The following GMEB2 variants were observed in gnomAD, a reference collection of about 807,000 sequenced individuals.
GMEB2 encodes glucocorticoid modulatory element-binding protein 2.
A neutral mutation model predicts 45.7 loss-of-function variants in GMEB2; 7 were observed. The ratio of observed to expected loss-of-function variants is 0.15; its 90% CI spans 0.09 to 0.29. GMEB2 has a LOEUF of 0.29. Among genes scored for constraint, GMEB2 ranks in the 10% least tolerant of loss-of-function variants. The pLI is 1.00. For synonymous variants in GMEB2, 322 were observed against 323.6 expected (o/e 1.00, Z 0.05); for missense variants, 582 against 739.2 (o/e 0.79, Z 2.47).
At chr20:63,617,073 C>A (rs939469495) in intron 2 of GMEB2, among the ~76,000 whole-genome samples, 1 of 151,876 alleles carries the variant, frequency 6.6e-6, no homozygotes, top group Non-Finnish European at 1.5e-5. Context: ...CTCCTGGGCT[C>A]AGGTGATCCT....
intron 2 of GMEB2, among the ~76,000 whole-genome samples, chr20:63,618,797 G>C (rs770609452): frequency 4.6e-5 from 7 of 152,200 alleles, no homozygotes; most frequent in Admixed American, 3.9e-4. Context: ...CCTCCTAGCA[G>C]TTCCACCTAC....
rs1044180905 is a variant in GMEB2, at chr20:63,627,042, G to C, written c.-144C>G. On this transcript the variant is annotated 5_prime_UTR_variant, in exon 1 of 10. Transcript: ENST00000370077. ...GGCGGCGGGCGGCGGCGGCGGCCGC[G>C]GGCTTCGCTCCTTGTTGGGGATTCG... 10 of 152,290 alleles carry C rather than the reference G, an allele frequency of 6.6e-5. No homozygotes were observed. The highest frequency in any genetic ancestry group is 2.4e-4 in the African/African-American group (10 of 40,928). 9.4% of individuals were successfully genotyped at this position (152,290 alleles called of 1,614,324 possible).
chr20:63,612,860 C>T (rs941564130), intron 2 of GMEB2, among the ~76,000 whole-genome samples: 3 of 152,260 alleles, frequency 2.0e-5, no homozygotes, highest in African/African-American at 2.4e-5. Context: ...TTGGTGAGGC[C>T]GGCCCAGACC....
chr20:63,611,448 C>T (rs537883939), intron 2 of GMEB2, among the ~76,000 whole-genome samples: 26 of 152,166 alleles, frequency 1.7e-4, no homozygotes, highest in Non-Finnish European at 3.4e-4. Context: ...CCTGTCTCTA[C>T]GAAAAATACA....
intron 4 of GMEB2, among the ~76,000 whole-genome samples, chr20:63,600,717 C>CAAAAA (rs34633546): frequency 9.5e-5 from 8 of 84,620 alleles, no homozygotes; most frequent in Non-Finnish European, 1.3e-4. Flanking sequence ...GACTCCATCT[C>CAAAAA]AAAAAAAAAA....
chr20:63,595,559 G>A, intron 6 of GMEB2, 51 bp downstream of exon 6: 1 of 1,519,694 alleles, frequency 6.6e-7, no homozygotes, highest in Non-Finnish European at 8.9e-7. Context: ...CACCCTCTGT[G>A]GCCATGGCCA....
At position 63,606,849 on chromosome 20, in the gene GMEB2, A is replaced by G. The variant is rs2089523320; in HGVS notation, c.132-2009T>C. On this transcript the variant is annotated intron_variant, in intron 2 of 9. Coordinates refer to ENST00000370077, the MANE Select transcript of GMEB2 (RefSeq NM_012384.5). ...CTGGAAAGACACTCATGACAAATGC[A>G]AACAGAAACCAGTACATGAGGCCAC... 2.6e-5 allele frequency among the ~76,000 whole-genome samples: 4 copies of G among 152,226 alleles called. No individual in the cohort carries two copies. In the South Asian group the frequency reaches 8.3e-4, roughly 32 times the overall value.
intron 1 of GMEB2, among the ~76,000 whole-genome samples, chr20:63,624,077 T>C (rs1186672799): frequency 6.7e-6 from 1 of 150,134 alleles, no homozygotes; most frequent in Non-Finnish European, 1.5e-5. Flanking sequence ...ACCACTACAC[T>C]TCAGCCTGGG....
At chr20:63,601,837 C>T (rs1151619) in intron 4 of GMEB2, among the ~76,000 whole-genome samples, 64,412 of 116,682 alleles carry the variant, frequency 0.55, 18,001 homozygotes, top group Middle Eastern at 0.71. Context: ...CTGTGGCTTC[C>T]GTGGGGCCTG....
At chr20:63,614,362 C>T (rs1014855299) in intron 2 of GMEB2, among the ~76,000 whole-genome samples, 1 of 152,148 alleles carries the variant, frequency 6.6e-6, no homozygotes, top group Admixed American at 6.5e-5. Flanking sequence ...GACAAGAGTG[C>T]GAGCCTTCTG....
In GMEB2 at chr20:63,589,415, G is replaced by A; in HGVS notation, c.*674C>T. On this transcript the variant is annotated 3_prime_UTR_variant, in exon 10 of 10. Coordinates refer to ENST00000370077, the MANE Select transcript of GMEB2 (RefSeq NM_012384.5). ...ACACCCTCAGTACATGTGCAACAAT[G>A]CCTGGACCACGCCTCGTCTGTGCGG... The A allele has an allele frequency of 2.6e-6, 1 of 381,240 alleles. No individual in the cohort carries two copies. The highest frequency in any genetic ancestry group is 4.6e-6 in the Non-Finnish European group (1 of 215,308). 23.6% of individuals were successfully genotyped at this position (381,240 alleles called of 1,614,324 possible).
At chr20:63,612,077 T>A (rs1044980606) in intron 2 of GMEB2, among the ~76,000 whole-genome samples, 1 of 152,166 alleles carries the variant, frequency 6.6e-6, no homozygotes, top group African/African-American at 2.4e-5. Context: ...AATCATTTCA[T>A]GTCTCCAGTT....
chr20:63,604,895 G>C, intron 2 of GMEB2, 55 bp from the exon 3 acceptor site: 1 of 967,056 alleles, frequency 1.0e-6, no homozygotes, highest in Admixed American at 1.7e-5. Flanking sequence ...GGCACAACCT[G>C]CAGGGCACTA....
At chr20:63,595,823 G>A (rs2083194419) in intron 5 of GMEB2, 56 bp from the exon 6 acceptor site, 1 of 1,561,276 alleles carries the variant, frequency 6.4e-7, no homozygotes, top group African/African-American at 1.4e-5. Flanking sequence ...GAAGGCACCT[G>A]GCCCGCCCAC....
chr20:63,622,770 G>A (rs1052598797), intron 1 of GMEB2, among the ~76,000 whole-genome samples: 2 of 152,220 alleles, frequency 1.3e-5, no homozygotes, highest in African/African-American at 2.4e-5. Flanking sequence ...ACCAAGAAAT[G>A]TAGGTGATCT....
chr20:63,592,018 A>G lies in GMEB2; in HGVS notation c.952+4T>C, dbSNP rs311494. 0.91 allele frequency: 1,464,689 copies of G among 1,607,974 alleles called. 667,927 individuals carry two copies. Among genetic ancestry groups the G allele is most frequent in the East Asian group, 1 (44,832 of 44,846 alleles). On this transcript the variant is annotated splice_donor_region_variant and intron_variant, in intron 9 of 9. Coordinates refer to ENST00000370077, the MANE Select transcript of GMEB2 (RefSeq NM_012384.5). The surrounding 1 kb of genome is among the most constrained non-coding windows in gnomAD (Gnocchi z 8.2). ...GGGACGGGACGGGGGTGGTCTCAGC[A>G]TACCTGCCAGGTCCCGGGCGTACTG... is the stretch of plus-strand genomic sequence containing the variant.
rs1048284520 is a variant in GMEB2, at chr20:63,593,789, A to C, written c.620-707T>G. The stretch of plus-strand genomic sequence containing the variant: ...GTAATCCAGGCACTTTGGGAGACTG[A>C]GGCGGGTGGATCACCTAAGGTCAGG... On this transcript the variant is annotated intron_variant, in intron 6 of 9. Coordinates refer to ENST00000370077, the MANE Select transcript of GMEB2 (RefSeq NM_012384.5). The surrounding 1 kb of genome is among the most constrained non-coding windows in gnomAD (Gnocchi z 4.7). Among the ~76,000 whole-genome samples, 1 of 152,224 alleles carries C rather than the reference A, an allele frequency of 6.6e-6. No individual in the cohort carries two copies. The highest frequency in any genetic ancestry group is 1.5e-5 in the Non-Finnish European group (1 of 68,034).
Position 63,590,609 on chromosome 20 carries a change from C to T in GMEB2, c.1073G>A (p.Arg358Gln), listed in dbSNP as rs1391545141. 1.9e-6 allele frequency: 3 copies of T among 1,591,542 alleles called. No individual in the cohort carries two copies. Among genetic ancestry groups the T allele is most frequent in the Non-Finnish European group, 1.7e-6 (2 of 1,167,648 alleles). Reference sequence around the variant, plus strand: ...TGATGTGGCACGTGCAAGCCGGGGCCGCTTCACAGGCGGTGGCAGGGAGAC... The same window carrying T: ...TGATGTGGCACGTGCAAGCCGGGGCTGCTTCACAGGCGGTGGCAGGGAGAC... ...TPVSLPPPVK[R>Q]PRLARATSGP... The change falls in exon 10 of 10, where the codon CGG becomes CAG. Residue 358 changes from arginine (R) to glutamine (Q), a missense_variant. Physicochemically the swap from Arg to Gln is conservative, Grantham distance 43. Around this residue, in one of 3 missense-constraint regions of GMEB2, gnomAD observed 462 missense variants for 586.7 expected, o/e 0.79. Coordinates refer to ENST00000370077, the MANE Select transcript of GMEB2 (RefSeq NM_012384.5).
At chr20:63,598,801 G>A (rs77130632) in intron 4 of GMEB2, among the ~76,000 whole-genome samples, 265 of 152,264 alleles carry the variant, frequency 1.7e-3, no homozygotes, top group African/African-American at 1.7e-3. Flanking sequence ...GGCCACTGTC[G>A]GAGCCTGGCA....
Sources: gnomAD v4.1 joint callset for allele counts (sites outside exome capture counted in the v4.1 genomes callset) on GRCh38, gnomAD v4.1.1 for gene constraint, gnomAD v4.1.1 regional missense constraint, Gnocchi (gnomAD v3.1) non-coding constraint, MANE v1.5 for transcripts, NCBI Gene and HGNC (gene_info 2026-07-23, HGNC 2026-07-21) for gene names.